The following PPFIA2 variants were observed in gnomAD, a reference collection of about 807,000 sequenced individuals.
PPFIA2 encodes the protein PPFI scaffold protein A2.
In PPFIA2, 46 loss-of-function variants were observed where a neutral mutation model predicts 175.5. The observed-to-expected ratio is 0.26, with a 90% CI of 0.21 to 0.34. The LOEUF (loss-of-function observed/expected upper bound fraction) is 0.34, where lower values mean the gene tolerates loss of function less well. PPFIA2 is among the 10% of genes least tolerant of loss of function. PPFIA2 has a pLI of 1.00. For missense variants in PPFIA2, 1,179 were observed against 1,506.1 expected (o/e 0.78, Z 3.60); for synonymous variants, 568 against 511.4 (o/e 1.11, Z -1.49).
At chr12:81,702,370 A>G in intron 3 of PPFIA2, among the ~76,000 whole-genome samples, 1 of 152,116 alleles carries the variant, frequency 6.6e-6, no homozygotes, top group Non-Finnish European at 1.5e-5. Flanking sequence ...TGTCTTCACT[A>G]GTTTCTCCAC....
chr12:81,435,011 C>T (rs1566815628), intron 7 of PPFIA2, among the ~76,000 whole-genome samples: 1 of 151,972 alleles, frequency 6.6e-6, no homozygotes, highest in East Asian at 1.9e-4. Flanking sequence ...TTCTATGCAA[C>T]TTCATTCTTT....
intron 3 of PPFIA2, 27 bp downstream of exon 3, chr12:81,753,946 A>T: frequency 1.2e-6 from 2 of 1,610,516 alleles, no homozygotes; most frequent in Non-Finnish European, 1.7e-6. Context: ...TTACAATAGG[A>T]GAAACAAAGG....
intron 22 of PPFIA2, among the ~76,000 whole-genome samples, chr12:81,320,960 AGAAT>A (rs2053526374): frequency 6.6e-6 from 1 of 152,058 alleles, no homozygotes; most frequent in Non-Finnish European, 1.5e-5. Context: ...TCAGTTTGAA[AGAAT>A]AAGGTAGAAA....
At chr12:81,406,358 C>A (rs755434682) in intron 7 of PPFIA2, among the ~76,000 whole-genome samples, 15 of 151,834 alleles carry the variant, frequency 9.9e-5, no homozygotes, top group Non-Finnish European at 2.2e-4. Flanking sequence ...CACTGATAGC[C>A]CATCTGCAAT....
intron 30 of PPFIA2, among the ~76,000 whole-genome samples, chr12:81,265,438 T>G (rs2036966665): frequency 1.3e-5 from 2 of 152,008 alleles, no homozygotes. Flanking sequence ...AAACTTTTCA[T>G]GAGATAGGGT....
intron 4 of PPFIA2, among the ~76,000 whole-genome samples, chr12:81,598,847 T>G (rs2059520325): frequency 6.6e-6 from 1 of 151,988 alleles, no homozygotes; most frequent in Admixed American, 6.6e-5. Context: ...TATTATTATC[T>G]CATTTCCCCA....
chr12:81,518,132 C>T (rs117890621), intron 4 of PPFIA2, among the ~76,000 whole-genome samples: 1 of 152,118 alleles, frequency 6.6e-6, no homozygotes, highest in East Asian at 1.9e-4. Context: ...CAAAAAATGC[C>T]CCAGATTTAC....
intron 3 of PPFIA2, among the ~76,000 whole-genome samples, chr12:81,720,598 T>C (rs937221275): frequency 6.6e-6 from 1 of 151,372 alleles, no homozygotes; most frequent in African/African-American, 2.4e-5. Context: ...GGTATGGCCC[T>C]GTGACTCAAA....
chr12:81,401,152 C>T (rs2042034353), intron 8 of PPFIA2, among the ~76,000 whole-genome samples: 1 of 151,966 alleles, frequency 6.6e-6, no homozygotes, highest in African/African-American at 2.4e-5. Context: ...TGCCTGTACC[C>T]TCAACTGTCT....
chr12:81,615,641 T>G (rs1306926420), intron 4 of PPFIA2, among the ~76,000 whole-genome samples: 1 of 152,168 alleles, frequency 6.6e-6, no homozygotes, highest in Non-Finnish European at 1.5e-5. Context: ...GACTGAGAAC[T>G]GACCATCAGA....
chr12:81,427,274 G>A (rs1269215027), intron 7 of PPFIA2, among the ~76,000 whole-genome samples: 2 of 152,002 alleles, frequency 1.3e-5, no homozygotes, highest in Non-Finnish European at 2.9e-5. Flanking sequence ...TCTTGGATTT[G>A]GATTCCTGTC....
Position 81,384,226 on chromosome 12 carries a change from T to C in PPFIA2, c.781A>G (p.Ile261Val), listed in dbSNP as rs2038417987. 3.8e-6 allele frequency: 6 copies of C among 1,591,360 alleles called. No individual in the cohort carries two copies. Among genetic ancestry groups the C allele is most frequent in the South Asian group, 1.1e-5 (1 of 88,816 alleles). The change falls in exon 9 of 33, where the codon ATA becomes GTA. Residue 261 changes from isoleucine (I) to valine (V), a missense_variant. Around this residue, in one of 10 missense-constraint regions of PPFIA2, gnomAD observed 226 missense variants for 216.6 expected, o/e 1.04. Transcript: ENST00000549396. ...TGACTAGTTTCATCGGTTGAGTCTA[T>C]AGAACCATTGGACAAACGCTGCAGA... The part of the protein sequence containing the change: ...VHEKRLSNGS[I>V]DSTDETSQIV...
At chr12:81,528,815 C>T (rs763130203) in intron 4 of PPFIA2, among the ~76,000 whole-genome samples, 5 of 151,710 alleles carry the variant, frequency 3.3e-5, no homozygotes, top group African/African-American at 9.7e-5. Context: ...CCCACACAAC[C>T]GAATCAGCAG....
intron 4 of PPFIA2, among the ~76,000 whole-genome samples, chr12:81,561,114 T>A (rs2069971346): frequency 6.6e-6 from 1 of 152,182 alleles, no homozygotes. Flanking sequence ...AATTTTTTCC[T>A]ATGATTCATT....
intron 7 of PPFIA2, among the ~76,000 whole-genome samples, chr12:81,418,918 G>A (rs1252265747): frequency 2.0e-5 from 3 of 151,738 alleles, no homozygotes; most frequent in African/African-American, 7.3e-5. Flanking sequence ...ATAATATAAT[G>A]ATGTTGGTTA....
At chr12:81,344,721 AAC>A in intron 18 of PPFIA2, 28 bp from the exon 19 acceptor site, 1 of 1,507,066 alleles carries the variant, frequency 6.6e-7, no homozygotes, top group Non-Finnish European at 9.0e-7. Context: ...AAAAACATAA[AAC>A]ACAATTAATT....
At position 81,488,177 on chromosome 12, in the gene PPFIA2, C is replaced by T. The variant is rs565756327; in HGVS notation, c.304-30311G>A. ...TTATTCCAGTTTCTTGTTATATTTG[C>T]CTTTGGAGAATAGAATCAGACAAAC... On this transcript the variant is annotated intron_variant, in intron 4 of 32. Transcript: ENST00000549396. 2.0e-5 allele frequency among the ~76,000 whole-genome samples: 3 copies of T among 151,708 alleles called. No individual in the cohort carries two copies. In the South Asian group the frequency reaches 6.2e-4, roughly 31 times the overall value.
intron 21 of PPFIA2, among the ~76,000 whole-genome samples, chr12:81,331,688 C>A (rs570536346): frequency 6.6e-6 from 1 of 152,196 alleles, no homozygotes; most frequent in African/African-American, 2.4e-5. Context: ...CATTTTTATA[C>A]ATGCAATTGG....
At chr12:81,394,808 TAA>T (rs10718613) in intron 8 of PPFIA2, among the ~76,000 whole-genome samples, 34 of 136,732 alleles carry the variant, frequency 2.5e-4, no homozygotes, top group East Asian at 6.2e-4. Flanking sequence ...TCCCAGAAGT[TAA>T]AAAAAAAAAA....
Sources: gnomAD v4.1 joint callset for allele counts (sites outside exome capture counted in the v4.1 genomes callset) on GRCh38, gnomAD v4.1.1 for gene constraint, gnomAD v4.1.1 regional missense constraint, MANE v1.5 for transcripts, NCBI Gene and HGNC (gene_info 2026-07-23, HGNC 2026-07-21) for gene names.